NCKAP1: variants seen among roughly 807,000 people sequenced by gnomAD.
The protein encoded by NCKAP1 is NCK associated protein 1.
Under a neutral mutation model 151.2 loss-of-function variants are expected in NCKAP1, and 21 were observed. The observed-to-expected ratio is 0.14, with a 90% CI of 0.10 to 0.20. The LOEUF (loss-of-function observed/expected upper bound fraction) is 0.20. Among genes scored for constraint, NCKAP1 ranks in the 10% least tolerant of loss-of-function variants. The probability of loss-of-function intolerance (pLI) is 1.00; values close to 1 mark genes in which losing one functional copy is unlikely to be tolerated. For synonymous variants in NCKAP1, 484 were observed against 451.8 expected, an observed-to-expected ratio of 1.07 and a Z score of -0.90; for missense variants, 933 against 1,352.1, an observed-to-expected ratio of 0.69 and a Z score of 4.86.
rs761671233 is a variant in NCKAP1 at position 182,928,117 on chromosome 2, C to T, written c.3180G>A (p.Ala1060=). The T allele has an allele frequency of 5.0e-6, 8 of 1,584,988 alleles. No individual in the cohort carries two copies. Among genetic ancestry groups the T allele is most frequent in the South Asian group, 1.1e-5 (1 of 88,692 alleles). Residue 1060 remains alanine (A), a splice_region_variant and synonymous_variant, in exon 29 of 31, where the codon GCG becomes GCA. Coordinates refer to ENST00000361354, the MANE Select transcript of NCKAP1 (RefSeq NM_013436.5). ...AGTTTTGTTATTTGATTATACATAC[C>T]GCCAGAAATTCTTTAAGACGGTCTT... The part of the protein sequence containing the change: ...SIEDRLKEFL[A]LASSSLLKIG...
chr2:183,007,776 G>A (rs992528904), intron 2 of NCKAP1, among the ~76,000 whole-genome samples: 1 of 152,118 alleles, frequency 6.6e-6, no homozygotes, highest in African/African-American at 2.4e-5. Context: ...TGCTATTTGG[G>A]TAAATCTCTG....
At chr2:183,004,488 C>CAAAAAAAAAA (rs34055584) in intron 2 of NCKAP1, among the ~76,000 whole-genome samples, 1 of 78,820 alleles carries the variant, frequency 1.3e-5, no homozygotes, top group African/African-American at 4.0e-5. Context: ...AAACAGCAAG[C>CAAAAAAAAAA]AAAAAAAAAA....
intron 20 of NCKAP1, among the ~76,000 whole-genome samples, chr2:182,955,069 T>A: frequency 6.6e-6 from 1 of 152,204 alleles, no homozygotes; most frequent in East Asian, 1.9e-4. Flanking sequence ...TGGGTTTTAC[T>A]GTCAGGATGC....
intron 16 of NCKAP1, among the ~76,000 whole-genome samples, chr2:182,965,921 A>G (rs10177344): frequency 0.6 from 91,536 of 152,016 alleles, 30,736 homozygotes; most frequent in East Asian, 0.85. Flanking sequence ...TAAATCTAAA[A>G]AGTATACTTC....
chr2:182,934,304 ATTTTTTTTTTT>A (rs776149662), intron 26 of NCKAP1: 1 of 139,300 alleles, frequency 7.2e-6, no homozygotes, highest in African/African-American at 2.6e-5. Context: ...CGCCTGGCTA[ATTTTTTTTTTT>A]TTTTTGTATT....
intron 18 of NCKAP1, among the ~76,000 whole-genome samples, chr2:182,960,550 TCCCTTCCTTACA>T (rs1164695459): frequency 2.6e-5 from 4 of 152,160 alleles, no homozygotes; most frequent in African/African-American, 9.7e-5. Flanking sequence ...TGAAACTGGA[TCCCTTCCTTACA>T]CCTTATACAA....
At chr2:183,031,630 G>C (rs1472893732) in intron 1 of NCKAP1, among the ~76,000 whole-genome samples, 5 of 152,134 alleles carry the variant, frequency 3.3e-5, no homozygotes. Context: ...CCCAGAAATA[G>C]AACTAGTAAC....
intron 10 of NCKAP1, among the ~76,000 whole-genome samples, chr2:182,985,571 G>C (rs1285179524): frequency 3.3e-5 from 5 of 152,152 alleles, no homozygotes; most frequent in Non-Finnish European, 7.4e-5. Context: ...GGGAGGCCAA[G>C]GCAGGCTGAT....
intron 1 of NCKAP1, among the ~76,000 whole-genome samples, chr2:183,032,032 A>G (rs1465555481): frequency 2.6e-5 from 4 of 152,220 alleles, no homozygotes; most frequent in Admixed American, 2.6e-4. Context: ...TTATTTCAGT[A>G]GTTAACATTG....
intron 27 of NCKAP1, among the ~76,000 whole-genome samples, chr2:182,929,796 ATGC>A (rs1696723811): frequency 1.3e-5 from 2 of 151,436 alleles, no homozygotes; most frequent in African/African-American, 4.8e-5. Flanking sequence ...CTCAAACACC[ATGC>A]TGCTGCCTCA....
intron 1 of NCKAP1, among the ~76,000 whole-genome samples, chr2:183,036,368 C>CACAG (rs1224160319): frequency 6.6e-6 from 1 of 152,098 alleles, no homozygotes; most frequent in African/African-American, 2.4e-5. Flanking sequence ...ACCACAATAC[C>CACAG]ACAGGTCTAG....
chr2:182,999,557 T>C (rs1698339325), intron 6 of NCKAP1, among the ~76,000 whole-genome samples: 1 of 152,196 alleles, frequency 6.6e-6, no homozygotes. Context: ...TTGGTGGTAA[T>C]GCAAATTAAT....
Sources: gnomAD v4.1 joint callset for allele counts (sites outside exome capture counted in the v4.1 genomes callset) on GRCh38, gnomAD v4.1.1 for gene constraint, MANE v1.5 for transcripts, NCBI Gene and HGNC (gene_info 2026-07-23, HGNC 2026-07-21) for gene names.